MAP2K5: variants seen among roughly 807,000 people sequenced by gnomAD.
MAP2K5 encodes mitogen-activated protein kinase kinase 5.
Under a neutral mutation model 83.1 loss-of-function variants are expected in MAP2K5, and 49 were observed. The observed-to-expected ratio is 0.59, with a 90% confidence interval of 0.47 to 0.75. The LOEUF (loss-of-function observed/expected upper bound fraction) is 0.75. Ranked by LOEUF, MAP2K5 falls within the 30% of genes least tolerant of loss-of-function variation. The pLI is 0.00. For missense variants in MAP2K5, 457 were observed against 557.5 expected (o/e 0.82, Z 1.82); for synonymous variants, 202 against 191.8 (o/e 1.05, Z -0.44).
At position 67,604,576 on chromosome 15, in the gene MAP2K5, C is replaced by T. The variant is rs1340748181; in HGVS notation, c.545+3827C>T. On this transcript the variant is annotated intron_variant, in intron 8 of 21. Transcript: ENST00000178640. Reference sequence around the variant, plus strand: ...ATATAATGTCTTATGCCTCAGTTTTCCCATCTGCAAGATGGGGATAATAAT... The same window carrying T: ...ATATAATGTCTTATGCCTCAGTTTTTCCATCTGCAAGATGGGGATAATAAT... Among the ~76,000 whole-genome samples, 7 of 152,058 alleles carry T rather than the reference C, an allele frequency of 4.6e-5. 1 individual carries two copies. In the East Asian group the frequency reaches 1.2e-3, roughly 25 times the overall value.
At chr15:67,662,640 T>C (rs568057300) in intron 12 of MAP2K5, among the ~76,000 whole-genome samples, 1 of 152,266 alleles carries the variant, frequency 6.6e-6, no homozygotes, top group East Asian at 1.9e-4. Flanking sequence ...TTTAAGTTTT[T>C]AATGGTGACC....
chr15:67,794,780 T>A lies in MAP2K5; in HGVS notation c.1243-11866T>A, dbSNP rs767476677. Among the ~76,000 whole-genome samples, 14 of 152,250 alleles carry A rather than the reference T, an allele frequency of 9.2e-5. No homozygotes were observed. Among genetic ancestry groups the A allele is most frequent in the Admixed American group, 2.6e-4 (4 of 15,284 alleles). The stretch of plus-strand genomic sequence containing the variant: ...TGATAGCAGCAAAAATTTTCCACTT[T>A]GGCTCAGTCTTTGTGTAAATGGTTT... On this transcript the variant is annotated intron_variant, in intron 21 of 21. Transcript: ENST00000178640. The surrounding 1 kb of genome is among the most constrained non-coding windows in gnomAD (Gnocchi z 4.6).
intron 9 of MAP2K5, among the ~76,000 whole-genome samples, chr15:67,634,867 C>T (rs1429375366): frequency 6.6e-6 from 1 of 151,980 alleles, no homozygotes; most frequent in Non-Finnish European, 1.5e-5. Flanking sequence ...TGGATGATCT[C>T]TGCTTTTTAA....
At chr15:67,549,086 T>A in intron 1 of MAP2K5, 1 of 1,530,632 alleles carries the variant, frequency 6.5e-7, no homozygotes, top group Non-Finnish European at 8.7e-7. Context: ...GTCAGCCGGC[T>A]GCCTGGTGCC....
chr15:67,621,318 G>C (rs1384742258), intron 8 of MAP2K5, among the ~76,000 whole-genome samples: 1 of 150,960 alleles, frequency 6.6e-6, no homozygotes, highest in East Asian at 2.0e-4. Context: ...ACACACCTTA[G>C]TAAAGAATAA....
At chr15:67,683,528 G>A (rs1476175759) in intron 13 of MAP2K5, among the ~76,000 whole-genome samples, 3 of 152,200 alleles carry the variant, frequency 2.0e-5, no homozygotes, top group Non-Finnish European at 4.4e-5. Context: ...TTGGGAGGCT[G>A]AGGCAGGTAG....
At chr15:67,653,195 C>T (rs983607847) in intron 11 of MAP2K5, among the ~76,000 whole-genome samples, 1 of 151,988 alleles carries the variant, frequency 6.6e-6, no homozygotes, top group African/African-American at 2.4e-5. Context: ...AGTAATGTTC[C>T]CTCTTCCATT....
chr15:67,650,281 G>A (rs939283895), intron 11 of MAP2K5, among the ~76,000 whole-genome samples: 3 of 152,074 alleles, frequency 2.0e-5, no homozygotes, highest in African/African-American at 7.2e-5. Context: ...GGTAGTTTTA[G>A]TGCTTTCTTT....
At chr15:67,806,161 CT>C (rs1263200256) in intron 21 of MAP2K5, among the ~76,000 whole-genome samples, 1 of 152,220 alleles carries the variant, frequency 6.6e-6, no homozygotes, top group East Asian at 1.9e-4. Context: ...CAGGTGGTGA[CT>C]TCTTTTTATA....
At chr15:67,721,783 T>C (rs1042386549) in intron 16 of MAP2K5, among the ~76,000 whole-genome samples, 2 of 152,220 alleles carry the variant, frequency 1.3e-5, no homozygotes, top group African/African-American at 4.8e-5. Flanking sequence ...GGGTTCACTA[T>C]ATTCTCTTGA....
At chr15:67,732,137 G>T (rs1488911909) in intron 17 of MAP2K5, among the ~76,000 whole-genome samples, 1 of 152,166 alleles carries the variant, frequency 6.6e-6, no homozygotes, top group African/African-American at 2.4e-5. Context: ...GAACAATTTA[G>T]CTTTAATAGT....
intron 1 of MAP2K5, among the ~76,000 whole-genome samples, chr15:67,547,539 T>C (rs2084421652): frequency 1.4e-5 from 2 of 145,882 alleles, no homozygotes; most frequent in South Asian, 4.6e-4. Context: ...CACTGCAACC[T>C]CTGCCTCCCA....
intron 11 of MAP2K5, among the ~76,000 whole-genome samples, chr15:67,654,054 G>T (rs1244138855): frequency 6.6e-6 from 1 of 151,984 alleles, no homozygotes; most frequent in Non-Finnish European, 1.5e-5. Context: ...ATTCTGATTG[G>T]TTTATAATAC....
At chr15:67,596,701 C>T (rs952767882) in intron 7 of MAP2K5, among the ~76,000 whole-genome samples, 1 of 152,232 alleles carries the variant, frequency 6.6e-6, no homozygotes, top group Non-Finnish European at 1.5e-5. Context: ...GCCCCTGCCT[C>T]TCTTTCAGCA....
chr15:67,705,815 A>G (rs1039054835), intron 16 of MAP2K5, among the ~76,000 whole-genome samples: 11 of 152,174 alleles, frequency 7.2e-5, no homozygotes, highest in Admixed American at 1.3e-4. Context: ...GAATGCTGTG[A>G]GAGAAGGAAG....
At chr15:67,754,128 A>G (rs2089780888) in intron 19 of MAP2K5, among the ~76,000 whole-genome samples, 1 of 152,236 alleles carries the variant, frequency 6.6e-6, no homozygotes, top group African/African-American at 2.4e-5. Context: ...AGTGATTGCC[A>G]GGGACTGGAG....
rs2085427742 is a variant in MAP2K5, at chr15:67,592,121, A to AAAAAG, written c.432-801_432-800insGAAAA. ...CAACAAGAGTGAAACTATGTCTCAA[A>AAAAAG]AAAAAAAAAAAAAAGGACTTTCACT... On this transcript the variant is annotated intron_variant, in intron 6 of 21. Coordinates refer to ENST00000178640, the MANE Select transcript of MAP2K5 (RefSeq NM_145160.3). Among the ~76,000 whole-genome samples the AAAAAG allele has an allele frequency of 1.3e-5, 2 of 151,160 alleles. 1 individual carries two copies. The highest frequency in any genetic ancestry group is 4.9e-5 in the African/African-American group (2 of 41,218).
chr15:67,644,533 A>G lies in MAP2K5; in HGVS notation c.586-1698A>G, dbSNP rs544479137. 1.3e-5 allele frequency among the ~76,000 whole-genome samples: 2 copies of G among 152,338 alleles called. No individual in the cohort carries two copies. Among genetic ancestry groups the G allele is most frequent in the East Asian group, 3.9e-4 (2 of 5,194 alleles). ...ACTAGAATTTATTCTAGATAAGTTT[A>G]TAAATATTTTATATTTATGGGTTAT... On this transcript the variant is annotated intron_variant, in intron 9 of 21. Coordinates refer to ENST00000178640, the MANE Select transcript of MAP2K5 (RefSeq NM_145160.3). The surrounding 1 kb of genome is among the most constrained non-coding windows in gnomAD (Gnocchi z 4.6).
intron 3 of MAP2K5, among the ~76,000 whole-genome samples, chr15:67,574,652 A>G (rs1306518121): frequency 6.6e-6 from 1 of 151,486 alleles, no homozygotes. Flanking sequence ...GCGAATCACG[A>G]AGTAAAGAGA....
Sources: gnomAD v4.1 joint callset for allele counts (sites outside exome capture counted in the v4.1 genomes callset) on GRCh38, gnomAD v4.1.1 for gene constraint, Gnocchi (gnomAD v3.1) non-coding constraint, MANE v1.5 for transcripts, NCBI Gene and HGNC (gene_info 2026-07-23, HGNC 2026-07-21) for gene names.